CNTNAP2: variants seen among roughly 807,000 people sequenced by gnomAD.
The protein encoded by CNTNAP2 is contactin-associated protein-like 2.
A neutral mutation model predicts 155.2 loss-of-function variants in CNTNAP2; 98 were observed. That is an observed-to-expected ratio of 0.63 (90% CI 0.54 to 0.75). The LOEUF is 0.75. Ranked by LOEUF, CNTNAP2 falls within the 30% of genes least tolerant of loss-of-function variation. CNTNAP2 has a pLI of 0.00. For synonymous variants in CNTNAP2, 651 were observed against 631.2 expected (o/e 1.03, Z -0.47); for missense variants, 1,727 against 1,688.1 (o/e 1.02, Z -0.40).
intron 1 of CNTNAP2, among the ~76,000 whole-genome samples, chr7:146,735,435 G>A (rs1585065641): frequency 6.6e-6 from 1 of 151,916 alleles, no homozygotes; most frequent in South Asian, 2.1e-4. Context: ...GGGGCCTGTA[G>A]TCCCAGCTAC....
chr7:146,355,708 GA>G (rs1342710487), intron 1 of CNTNAP2, among the ~76,000 whole-genome samples: 1 of 152,268 alleles, frequency 6.6e-6, no homozygotes, highest in African/African-American at 2.4e-5. Flanking sequence ...ATACTTTTGT[GA>G]AATATCATTT....
intron 3 of CNTNAP2, among the ~76,000 whole-genome samples, chr7:146,881,936 A>G (rs951057840): frequency 3.3e-5 from 5 of 151,940 alleles, no homozygotes; most frequent in Non-Finnish European, 7.4e-5. Context: ...AGTACCCAAC[A>G]GTTAGTTTTT....
chr7:146,367,980 G>A (rs927466901), intron 1 of CNTNAP2, among the ~76,000 whole-genome samples: 1 of 152,068 alleles, frequency 6.6e-6, no homozygotes, highest in Admixed American at 6.6e-5. Context: ...TCTCATGGAA[G>A]TAAGAAAAGA....
At chr7:147,056,789 TG>T (rs1398721580) in intron 4 of CNTNAP2, among the ~76,000 whole-genome samples, 58 of 152,242 alleles carry the variant, frequency 3.8e-4, no homozygotes, top group African/African-American at 1.4e-3. Flanking sequence ...TTGTTTGTTT[TG>T]GAGACATTCT....
intron 13 of CNTNAP2, among the ~76,000 whole-genome samples, chr7:147,821,194 A>G (rs1191593145): frequency 6.6e-6 from 1 of 152,182 alleles, no homozygotes; most frequent in African/African-American, 2.4e-5. Context: ...CAACATGACT[A>G]TATTAATTAT....
At chr7:147,516,357 T>G (rs1239295499) in intron 11 of CNTNAP2, among the ~76,000 whole-genome samples, 1 of 152,210 alleles carries the variant, frequency 6.6e-6, no homozygotes, top group East Asian at 1.9e-4. Context: ...TAAAAAAGTG[T>G]TAAAGCATTA....
At chr7:146,857,050 T>C (rs1331250218) in intron 3 of CNTNAP2, among the ~76,000 whole-genome samples, 1 of 152,206 alleles carries the variant, frequency 6.6e-6, no homozygotes, top group Non-Finnish European at 1.5e-5. Flanking sequence ...GTAGCAATGT[T>C]AAATTTCCTG....
intron 9 of CNTNAP2, among the ~76,000 whole-genome samples, chr7:147,364,958 G>A (rs1459836835): frequency 2.0e-5 from 3 of 152,066 alleles, no homozygotes; most frequent in Admixed American, 2.0e-4. Flanking sequence ...AAAAGAATTT[G>A]TATTTTTTTA....
chr7:147,955,807 A>G (rs927406410), intron 14 of CNTNAP2, among the ~76,000 whole-genome samples: 13 of 152,200 alleles, frequency 8.5e-5, no homozygotes, highest in African/African-American at 3.1e-4. Context: ...ACATATCTTG[A>G]GATGCAGGTT....
At chr7:147,586,547 G>A (rs28497534) in intron 12 of CNTNAP2, among the ~76,000 whole-genome samples, 9,036 of 19,634 alleles carry the variant, frequency 0.46, 997 homozygotes, top group East Asian at 0.61. Flanking sequence ...GGAAGGAAGG[G>A]AGGGAGGGAG....
At chr7:146,761,693 T>C (rs1337068781) in intron 1 of CNTNAP2, among the ~76,000 whole-genome samples, 1 of 152,084 alleles carries the variant, frequency 6.6e-6, no homozygotes. Context: ...AAACTGTCCT[T>C]ACCCCTTCAG....
intron 15 of CNTNAP2, among the ~76,000 whole-genome samples, chr7:148,105,525 A>G (rs1426764818): frequency 6.6e-6 from 1 of 152,104 alleles, no homozygotes; most frequent in Non-Finnish European, 1.5e-5. Flanking sequence ...GCTATTTGGA[A>G]CCGTTGGGAT....
At chr7:147,552,278 T>G (rs1371312637) in intron 11 of CNTNAP2, among the ~76,000 whole-genome samples, 4 of 152,186 alleles carry the variant, frequency 2.6e-5, no homozygotes, top group Non-Finnish European at 5.9e-5. Flanking sequence ...CATTTTTTAA[T>G]GGTTTATTTT....
intron 13 of CNTNAP2, among the ~76,000 whole-genome samples, chr7:147,897,511 T>A (rs918563200): frequency 1.3e-5 from 2 of 152,176 alleles, no homozygotes; most frequent in African/African-American, 4.8e-5. Flanking sequence ...GAATTTAGCA[T>A]GAGGTCAGCT....
intron 8 of CNTNAP2, among the ~76,000 whole-genome samples, chr7:147,191,457 G>A (rs1802679343): frequency 6.6e-6 from 1 of 152,118 alleles, no homozygotes; most frequent in Non-Finnish European, 1.5e-5. Context: ...ACAAGTCTAT[G>A]ACCACTGCTT....
At chr7:147,432,508 C>T (rs1797482107) in intron 10 of CNTNAP2, among the ~76,000 whole-genome samples, 1 of 152,212 alleles carries the variant, frequency 6.6e-6, no homozygotes. Context: ...CTACTTCCCA[C>T]ATTAGCTACA....
chr7:147,008,723 G>A (rs1012241324), intron 3 of CNTNAP2, among the ~76,000 whole-genome samples: 36 of 152,152 alleles, frequency 2.4e-4, no homozygotes, highest in African/African-American at 7.7e-4. Flanking sequence ...GAACCTCTGC[G>A]GCCAGCAAAT....
intron 13 of CNTNAP2, among the ~76,000 whole-genome samples, chr7:147,896,222 T>G (rs2710107): frequency 0.66 from 100,998 of 151,980 alleles, 33,863 homozygotes; most frequent in Middle Eastern, 0.76. Context: ...TCCCATCCTG[T>G]TGTGTAATAA....
At chr7:146,253,025 C>T (rs1431582545) in intron 1 of CNTNAP2, among the ~76,000 whole-genome samples, 1 of 152,158 alleles carries the variant, frequency 6.6e-6, no homozygotes, top group Non-Finnish European at 1.5e-5. Flanking sequence ...AGAAAAACAA[C>T]TTTACCAAAC....
Sources: gnomAD v4.1 joint callset for allele counts (sites outside exome capture counted in the v4.1 genomes callset) on GRCh38, gnomAD v4.1.1 for gene constraint, MANE v1.5 for transcripts, NCBI Gene and HGNC (gene_info 2026-07-23, HGNC 2026-07-21) for gene names.